MNAT1: variants seen among roughly 807,000 people sequenced by gnomAD.
MNAT1 encodes the protein MNAT1 component of CDK activating kinase.
MNAT1 carries 43 observed loss-of-function variants against 42.0 expected under a neutral mutation model. The ratio of observed to expected loss-of-function variants is 1.02; its 90% CI spans 0.80 to 1.32. The LOEUF (loss-of-function observed/expected upper bound fraction) is 1.32, where lower values mean the gene tolerates loss of function less well. MNAT1 is among the 40% of genes most tolerant of loss of function. The pLI, the probability that MNAT1 is intolerant of heterozygous loss-of-function variation, is 0.00. For synonymous variants in MNAT1, 118 were observed against 120.0 expected (o/e 0.98, Z 0.11); for missense variants, 306 against 350.4 (o/e 0.87, Z 1.01).
At chr14:60,880,886 C>T (rs944324975) in intron 7 of MNAT1, among the ~76,000 whole-genome samples, 1 of 152,080 alleles carries the variant, frequency 6.6e-6, no homozygotes, top group East Asian at 1.9e-4. Flanking sequence ...ATTTATTAAA[C>T]AATTGTCTTA....
At chr14:60,853,519 T>C (rs2033878894) in intron 6 of MNAT1, among the ~76,000 whole-genome samples, 1 of 152,212 alleles carries the variant, frequency 6.6e-6, no homozygotes, top group Non-Finnish European at 1.5e-5. Flanking sequence ...CCTCTCTTCC[T>C]ATTCAAATAC....
chr14:60,936,064 G>T (rs983606941), intron 7 of MNAT1, among the ~76,000 whole-genome samples: 3 of 152,168 alleles, frequency 2.0e-5, no homozygotes, highest in Admixed American at 6.5e-5. Flanking sequence ...AACTGAGGAG[G>T]CCAGGATCCT....
intron 7 of MNAT1, among the ~76,000 whole-genome samples, chr14:60,894,123 A>G (rs1412262748): frequency 1.3e-5 from 2 of 152,068 alleles, no homozygotes; most frequent in African/African-American, 4.8e-5. Context: ...GCATCAGTGT[A>G]GGACCCTAGG....
chr14:60,769,186 C>T (rs984675141), intron 1 of MNAT1, among the ~76,000 whole-genome samples: 20 of 152,024 alleles, frequency 1.3e-4, no homozygotes, highest in African/African-American at 4.6e-4. Flanking sequence ...CATAGATTGG[C>T]CAGATATTGT....
chr14:60,756,921 G>A (rs1459656286), intron 1 of MNAT1, among the ~76,000 whole-genome samples: 2 of 152,232 alleles, frequency 1.3e-5, no homozygotes, highest in African/African-American at 2.4e-5. Flanking sequence ...TTAAGTAGTA[G>A]CCTACAGTTT....
chr14:60,735,994 A>G (rs893446733), intron 1 of MNAT1, among the ~76,000 whole-genome samples: 2 of 152,238 alleles, frequency 1.3e-5, no homozygotes, highest in African/African-American at 4.8e-5. Flanking sequence ...CAGGGTCTTT[A>G]GGTAAGCATA....
chr14:60,823,772 T>C (rs2032973530), intron 6 of MNAT1, among the ~76,000 whole-genome samples: 2 of 152,142 alleles, frequency 1.3e-5, no homozygotes. Flanking sequence ...GGCAGGAGAA[T>C]TGCTTGAACT....
At chr14:60,796,991 T>C (rs1355392665) in intron 2 of MNAT1, among the ~76,000 whole-genome samples, 1 of 152,088 alleles carries the variant, frequency 6.6e-6, no homozygotes, top group Non-Finnish European at 1.5e-5. Context: ...AATATATGTG[T>C]GTATATATGT....
At chr14:60,835,653 G>A (rs1334933053) in intron 6 of MNAT1, among the ~76,000 whole-genome samples, 1 of 152,120 alleles carries the variant, frequency 6.6e-6, no homozygotes, top group Non-Finnish European at 1.5e-5. Flanking sequence ...CTTTCTTTCT[G>A]GCTGCCCTTA....
At chr14:60,948,187 TACCAAG>T (rs1237700740) in intron 7 of MNAT1, among the ~76,000 whole-genome samples, 1 of 152,160 alleles carries the variant, frequency 6.6e-6, no homozygotes, top group Non-Finnish European at 1.5e-5. Flanking sequence ...TCTCAGCGCT[TACCAAG>T]GCCAAGGCGG....
intron 6 of MNAT1, among the ~76,000 whole-genome samples, chr14:60,869,040 A>ATATATATATATATTTT (rs1465360826): frequency 1.2e-4 from 13 of 113,026 alleles, no homozygotes; most frequent in African/African-American, 4.4e-4. Flanking sequence ...ATATATATAT[A>ATATATATATATATTTT]TTTTTTTTTT....
Position 60,918,916 on chromosome 14 carries a change from A to C in MNAT1, c.809+39081A>C, listed in dbSNP as rs1403407596. On this transcript the variant is annotated intron_variant, in intron 7 of 7. Coordinates refer to ENST00000261245, the MANE Select transcript of MNAT1 (RefSeq NM_002431.4). ...ATTGTGCACAATATATTGGTAACTC[A>C]TAGATTTTTGAGTTTGGGAAGTTTT... 2.6e-5 allele frequency among the ~76,000 whole-genome samples: 4 copies of C among 151,910 alleles called. No homozygotes were observed. The East Asian group carries it at 7.7e-4, about 29-fold the overall frequency.
At chr14:60,926,031 T>G (rs2035756995) in intron 7 of MNAT1, among the ~76,000 whole-genome samples, 1 of 152,152 alleles carries the variant, frequency 6.6e-6, no homozygotes, top group South Asian at 2.1e-4. Context: ...TCAGTCATGA[T>G]TGTGGACTTT....
chr14:60,807,679 G>A (rs1219391514), intron 3 of MNAT1, among the ~76,000 whole-genome samples: 1 of 152,082 alleles, frequency 6.6e-6, no homozygotes, highest in Non-Finnish European at 1.5e-5. Flanking sequence ...TATAAAAAGA[G>A]AGTTGTAATT....
At chr14:60,792,085 A>T (rs1032355820) in intron 1 of MNAT1, among the ~76,000 whole-genome samples, 2 of 152,198 alleles carry the variant, frequency 1.3e-5, no homozygotes, top group African/African-American at 2.4e-5. Context: ...TAAGCAAACT[A>T]TTGGAACAAA....
rs1159999525 is a variant in MNAT1 at position 60,740,533 on chromosome 14, G to C, written c.89+5582G>C. 6.6e-6 allele frequency among the ~76,000 whole-genome samples: 1 copy of C among 152,102 alleles called. No homozygotes were observed. Among genetic ancestry groups the C allele is most frequent in the African/African-American group, 2.4e-5 (1 of 41,418 alleles). ...TATCAGATTAAGTTTGAATTTATTT[G>C]TTGATAAGAATAATAAGTGGTGTTA... is the stretch of plus-strand genomic sequence containing the variant. On this transcript the variant is annotated intron_variant, in intron 1 of 7. Transcript: ENST00000261245. The surrounding 1 kb of genome is among the most constrained non-coding windows in gnomAD (Gnocchi z 4.1).
At chr14:60,803,724 G>A (rs2032281247) in intron 3 of MNAT1, among the ~76,000 whole-genome samples, 2 of 152,130 alleles carry the variant, frequency 1.3e-5, no homozygotes, top group African/African-American at 4.8e-5. Flanking sequence ...AATTATTAGG[G>A]TGCCTCAGAG....
intron 3 of MNAT1, among the ~76,000 whole-genome samples, chr14:60,802,931 C>A (rs1594764747): frequency 1.5e-5 from 2 of 133,328 alleles, no homozygotes. Context: ...ATAAATAAAA[C>A]TTTTTTTTTT....
Position 60,903,964 on chromosome 14 carries a change from C to T in MNAT1, c.809+24129C>T, listed in dbSNP as rs147624728. On this transcript the variant is annotated intron_variant, in intron 7 of 7. Transcript: ENST00000261245. ...TTGGCCTACTGCAACTTCTGCCTCC[C>T]ACGTTCAAGCAATTCTCCTGCCTCA... Among the ~76,000 whole-genome samples the T allele has an allele frequency of 5.1e-3, 768 of 151,562 alleles. 14 individuals carry two copies. The highest frequency in any genetic ancestry group is 0.017 in the African/African-American group (720 of 41,276).
Sources: allele counts gnomAD v4.1 joint callset (sites outside exome capture counted in the v4.1 genomes callset), GRCh38; gene constraint gnomAD v4.1.1; non-coding constraint Gnocchi (gnomAD v3.1); transcripts MANE v1.5; gene names NCBI Gene and HGNC (gene_info 2026-07-23, HGNC 2026-07-21).